Variants in PCDH17 observed in about 807,000 individuals in gnomAD.
The protein encoded by PCDH17 is protocadherin-17.
Under a neutral mutation model 67.7 loss-of-function variants are expected in PCDH17, and 21 were observed. The ratio of observed to expected loss-of-function variants is 0.31; its 90% CI spans 0.22 to 0.45. PCDH17 has a LOEUF of 0.45. PCDH17 is among the 20% of genes least tolerant of loss of function. The pLI is 1.00. For missense variants in PCDH17, 1,471 were observed against 1,564.8 expected (o/e 0.94, Z 1.01); for synonymous variants, 701 against 656.7 (o/e 1.07, Z -1.03).
In PCDH17 at chr13:57,724,875, G is replaced by A; in HGVS notation, c.3061G>A (p.Ala1021Thr). The A allele has an allele frequency of 6.2e-7, 1 of 1,614,192 alleles. No homozygotes were observed. Among genetic ancestry groups the A allele is most frequent in the Non-Finnish European group, 8.5e-7 (1 of 1,180,024 alleles). ...LIANVKPYLK[A>T]KRALSPLLQE... ...TGCCAACGTTAAACCTTATTTAAAA[G>A]CCAAACGTGCCCTGAGCCCTCTCCT... Residue 1021 changes from alanine to threonine, a missense_variant, in exon 4 of 4, where the codon GCC becomes ACC. Physicochemically the swap from Ala to Thr is moderately conservative, Grantham distance 58. Around this residue, in one of 3 missense-constraint regions of PCDH17, gnomAD observed 297 missense variants for 298.6 expected, o/e 0.99. Coordinates refer to ENST00000377918, the MANE Select transcript of PCDH17 (RefSeq NM_001040429.3).
intron 3 of PCDH17, among the ~76,000 whole-genome samples, chr13:57,675,483 A>G (rs1388553259): frequency 6.6e-6 from 1 of 152,002 alleles, no homozygotes; most frequent in Admixed American, 6.6e-5. Flanking sequence ...CTATGAGGTC[A>G]GTGCAGTAAG....
chr13:57,685,692 A>G (rs1365706259), intron 3 of PCDH17, among the ~76,000 whole-genome samples: 5 of 151,980 alleles, frequency 3.3e-5, no homozygotes, highest in African/African-American at 4.8e-5. Flanking sequence ...TGAAATTGTA[A>G]TCAATTTTAT....
intron 3 of PCDH17, among the ~76,000 whole-genome samples, chr13:57,683,689 T>C (rs1262691274): frequency 3.3e-5 from 5 of 151,886 alleles, no homozygotes; most frequent in African/African-American, 1.2e-4. Context: ...CAGGTGACGC[T>C]GGTAAATATT....
At chr13:57,647,044 T>C (rs532725354) in intron 1 of PCDH17, among the ~76,000 whole-genome samples, 109 of 151,980 alleles carry the variant, frequency 7.2e-4, no homozygotes, top group Admixed American at 1.1e-3. Flanking sequence ...TGTGTTTTAC[T>C]CTTTCTGTGA....
rs1373183971 is a variant in PCDH17 at position 57,633,322 on chromosome 13, G to A, written c.776G>A (p.Gly259Asp). 7.4e-6 allele frequency: 12 copies of A among 1,613,248 alleles called. No individual in the cohort carries two copies. Among genetic ancestry groups the A allele is most frequent in the Non-Finnish European group, 1.0e-5 (12 of 1,180,016 alleles). ...LVELPENAPL[G>D]TVVIDLNATD... ...GAACTGCCCGAGAACGCTCCGCTGG[G>A]TACAGTGGTCATCGATCTGAACGCC... Residue 259 changes from glycine to aspartate, a missense_variant, in exon 1 of 4, where the codon GGT (glycine) becomes GAT (aspartate). Around this residue, in one of 3 missense-constraint regions of PCDH17, gnomAD observed 1,163 missense variants for 1,230.0 expected, o/e 0.95. Coordinates refer to ENST00000377918, the MANE Select transcript of PCDH17 (RefSeq NM_001040429.3). This position sits in a 1 kb window ranked among gnomAD's most constrained non-coding sequence, Gnocchi z 6.2.
At chr13:57,703,780 T>A (rs1022313790) in intron 3 of PCDH17, among the ~76,000 whole-genome samples, 4 of 152,296 alleles carry the variant, frequency 2.6e-5, no homozygotes, top group African/African-American at 9.6e-5. Flanking sequence ...GAGTTTAGCA[T>A]GTTTTTGTAA....
intron 1 of PCDH17, among the ~76,000 whole-genome samples, chr13:57,643,522 A>T (rs577634116): frequency 6.6e-6 from 1 of 151,614 alleles, no homozygotes; most frequent in Non-Finnish European, 1.5e-5. Flanking sequence ...GAATTCTATT[A>T]TAATAGTGTC....
chr13:57,715,600 A>C (rs1374071600), intron 3 of PCDH17, among the ~76,000 whole-genome samples: 44 of 151,884 alleles, frequency 2.9e-4, no homozygotes, highest in Admixed American at 2.9e-3. Context: ...AAAAATTGGA[A>C]GTTTTTAAAA....
chr13:57,651,886 T>G (rs1955045256), intron 1 of PCDH17, among the ~76,000 whole-genome samples: 1 of 152,166 alleles, frequency 6.6e-6, no homozygotes, highest in Admixed American at 6.5e-5. Context: ...TCTGGTGCAG[T>G]TAAACTTTAG....
intron 1 of PCDH17, among the ~76,000 whole-genome samples, chr13:57,635,709 A>T (rs976549665): frequency 6.6e-5 from 10 of 152,228 alleles, no homozygotes; most frequent in African/African-American, 2.2e-4. Flanking sequence ...TTATGGTAAA[A>T]CTGCAGCATA....
At position 57,725,298 on chromosome 13, in the gene PCDH17, A is replaced by C. The variant is rs1481062990; in HGVS notation, c.*4A>C. 1 of 1,537,362 alleles carries C rather than the reference A, an allele frequency of 6.5e-7. No individual in the cohort carries two copies. The highest frequency in any genetic ancestry group is 1.2e-5 in the South Asian group (1 of 86,522). ...CCCTGTGGCTGTGAGAAAGTGAAAAAAGAAAAAAAAAAAGGCATTGGCATT... is the reference window on the plus strand; with the variant it reads ...CCCTGTGGCTGTGAGAAAGTGAAAACAGAAAAAAAAAAAGGCATTGGCATT... On this transcript the variant is annotated 3_prime_UTR_variant, in exon 4 of 4. Transcript: ENST00000377918.
At chr13:57,723,497 G>A (rs1485656207) in intron 3 of PCDH17, among the ~76,000 whole-genome samples, 1 of 152,132 alleles carries the variant, frequency 6.6e-6, no homozygotes, top group Non-Finnish European at 1.5e-5. Context: ...CTCTAAATGT[G>A]TAGAGATCAT....
chr13:57,691,559 A>G (rs894767282), intron 3 of PCDH17, among the ~76,000 whole-genome samples: 6 of 151,236 alleles, frequency 4.0e-5, no homozygotes, highest in Non-Finnish European at 7.4e-5. Context: ...TTTAATGTTA[A>G]AGCTTTTAAC....
rs781111360 is a variant in PCDH17 at position 57,634,750 on chromosome 13, A to G, written c.2204A>G (p.Lys735Arg). The change falls in exon 1 of 4, where the codon AAG becomes AGG. Residue 735 changes from lysine to arginine, a missense_variant. This residue lies in a region of PCDH17 where 1,163 missense variants were observed against 1,230.0 expected (regional missense o/e 0.95). Transcript: ENST00000377918. The surrounding 1 kb of genome is among the most constrained non-coding windows in gnomAD (Gnocchi z 7.8). ...TIAVKCKREN[K>R]EIRTYNCRIA... ...GCCGTCAAGTGCAAGCGCGAGAACAAGGAGATCCGCACTTACAACTGCCGC... is the reference window on the plus strand; with the variant it reads ...GCCGTCAAGTGCAAGCGCGAGAACAGGGAGATCCGCACTTACAACTGCCGC... 3.1e-6 allele frequency: 5 copies of G among 1,613,986 alleles called. No homozygotes were observed. Among genetic ancestry groups the G allele is most frequent in the Non-Finnish European group, 4.2e-6 (5 of 1,180,012 alleles).
intron 3 of PCDH17, among the ~76,000 whole-genome samples, chr13:57,703,752 G>A (rs1033637995): frequency 1.3e-5 from 2 of 152,018 alleles, no homozygotes; most frequent in African/African-American, 4.8e-5. Flanking sequence ...ATTTAGTACT[G>A]TAGTTCAGCC....
intron 3 of PCDH17, among the ~76,000 whole-genome samples, chr13:57,695,994 A>G (rs2138068342): frequency 6.6e-6 from 1 of 151,484 alleles, no homozygotes; most frequent in East Asian, 1.9e-4. Context: ...CTTTGGATTC[A>G]GGACCCTCAT....
intron 3 of PCDH17, among the ~76,000 whole-genome samples, chr13:57,699,265 G>A (rs1050215192): frequency 6.6e-5 from 10 of 151,842 alleles, no homozygotes; most frequent in African/African-American, 2.4e-4. Flanking sequence ...TCATGTTTGT[G>A]AAATGATTCA....
intron 3 of PCDH17, among the ~76,000 whole-genome samples, chr13:57,716,491 C>T (rs1218367313): frequency 1.3e-5 from 2 of 151,868 alleles, no homozygotes; most frequent in Non-Finnish European, 2.9e-5. Context: ...ACCTGGAGCG[C>T]CCTCTCTCTG....
rs745494860 is a variant in PCDH17 at position 57,725,283 on chromosome 13, G to C, written c.3469G>C (p.Val1157Leu). 2 of 1,563,858 alleles carry C rather than the reference G, an allele frequency of 1.3e-6. No homozygotes were observed. The highest frequency in any genetic ancestry group is 1.7e-6 in the Non-Finnish European group (2 of 1,161,968). The change falls in exon 4 of 4, where the codon GTG (valine) becomes CTG (leucine). Residue 1157 changes from valine (V) to leucine (L), a missense_variant. By Grantham distance (32) the Val-to-Leu change is conservative (BLOSUM62 1). This residue lies in a region of PCDH17 where 297 missense variants were observed against 298.6 expected (regional missense o/e 0.99). Transcript: ENST00000377918. ...QDCRGNDPVAVRK is the reference protein window; with the variant it reads ...QDCRGNDPVALRK Reference sequence around the variant, plus strand: ...CTGCCGGGGAAACGACCCTGTGGCTGTGAGAAAGTGAAAAAAGAAAAAAAA... The same window carrying C: ...CTGCCGGGGAAACGACCCTGTGGCTCTGAGAAAGTGAAAAAAGAAAAAAAA...
Sources: allele counts gnomAD v4.1 joint callset (sites outside exome capture counted in the v4.1 genomes callset), GRCh38; gene constraint gnomAD v4.1.1; regional missense constraint gnomAD v4.1.1; non-coding constraint Gnocchi (gnomAD v3.1); transcripts MANE v1.5; gene names NCBI Gene and HGNC (gene_info 2026-07-23, HGNC 2026-07-21).